The following ELOVL2 variants were observed in gnomAD, a reference collection of about 807,000 sequenced individuals.
The protein encoded by ELOVL2 is very long chain fatty acid elongase 2.
In ELOVL2, 38 loss-of-function variants were observed where a neutral mutation model predicts 37.7. The observed-to-expected ratio is 1.01, with a 90% CI of 0.78 to 1.32. ELOVL2 has a LOEUF of 1.32. Among genes scored for constraint, ELOVL2 ranks in the 40% most tolerant of loss-of-function variants. The pLI is 0.00. For synonymous variants in ELOVL2, 115 were observed against 122.3 expected (o/e 0.94, Z 0.40); for missense variants, 352 against 363.6 (o/e 0.97, Z 0.26).
rs565014334 is a variant in ELOVL2 at position 10,982,338 on chromosome 6, G to A, written c.*1443C>T. 2 of 152,250 alleles carry A rather than the reference G, an allele frequency of 1.3e-5. No homozygotes were observed. Among genetic ancestry groups the A allele is most frequent in the Admixed American group, 1.3e-4 (2 of 15,288 alleles). 9.4% of individuals were successfully genotyped at this position (152,250 alleles called of 1,614,324 possible). On this transcript the variant is annotated 3_prime_UTR_variant, in exon 8 of 8. Coordinates refer to ENST00000354666, the MANE Select transcript of ELOVL2 (RefSeq NM_017770.4). ...GGCACTCTGGACGCTAATGAGTGGG[G>A]ACGGTGGTGGAAATGCCTTTCTGGT...
At chr6:11,028,085 G>C (rs1007495807) in intron 1 of ELOVL2, among the ~76,000 whole-genome samples, 9 of 151,996 alleles carry the variant, frequency 5.9e-5, no homozygotes, top group African/African-American at 1.5e-4. Context: ...GTCTAATTTG[G>C]ACTTTGGGGG....
At chr6:11,032,830 G>A (rs1460040800) in intron 1 of ELOVL2, among the ~76,000 whole-genome samples, 1 of 152,130 alleles carries the variant, frequency 6.6e-6, no homozygotes, top group African/African-American at 2.4e-5. Context: ...CTAATAACAT[G>A]CAATTGAGAC....
chr6:11,014,572 C>T (rs1460711811), intron 1 of ELOVL2, among the ~76,000 whole-genome samples: 1 of 150,772 alleles, frequency 6.6e-6, no homozygotes, highest in Non-Finnish European at 1.5e-5. Context: ...TCCTTCTCCC[C>T]ATGCCCACTA....
chr6:11,030,527 T>A (rs1157273528), intron 1 of ELOVL2, among the ~76,000 whole-genome samples: 1 of 152,214 alleles, frequency 6.6e-6, no homozygotes, highest in Non-Finnish European at 1.5e-5. Context: ...AGTCTCGCTC[T>A]GTCACCCAGG....
chr6:10,984,223 G>A (rs1781998675), intron 7 of ELOVL2, among the ~76,000 whole-genome samples: 1 of 152,104 alleles, frequency 6.6e-6, no homozygotes, highest in African/African-American at 2.4e-5. Flanking sequence ...TCACCATGTT[G>A]CCCAGGCTTG....
chr6:10,982,740 T>C lies in ELOVL2; in HGVS notation c.*1041A>G, dbSNP rs3734398. On this transcript the variant is annotated 3_prime_UTR_variant, in exon 8 of 8. Transcript: ENST00000354666. ...AATCTTTCCAAGCTACTCCATCTTT[T>C]TCCTCCCAGCTTCAAAAACTTAAAT... 64,628 of 152,032 alleles carry C rather than the reference T, an allele frequency of 0.43. 15,391 individuals carry two copies. Among genetic ancestry groups the C allele is most frequent in the East Asian group, 0.91 (4,684 of 5,172 alleles). The allele number at this position is 152,032 out of a possible 1,614,324, so 9.4% of individuals were successfully genotyped here. A position where few individuals can be genotyped will look rare whatever the true frequency, so the allele number is the denominator to read the frequency against.
intron 5 of ELOVL2, among the ~76,000 whole-genome samples, chr6:10,992,846 T>A (rs4711162): frequency 0.21 from 31,785 of 149,970 alleles, 4,584 homozygotes; most frequent in East Asian, 0.64. Context: ...ATACAGTACA[T>A]CATATAGAGC....
intron 1 of ELOVL2, among the ~76,000 whole-genome samples, chr6:11,026,709 G>A (rs900759512): frequency 6.6e-6 from 1 of 152,106 alleles, no homozygotes; most frequent in Non-Finnish European, 1.5e-5. Flanking sequence ...GTACTAAAAG[G>A]CCTCTCTAGC....
intron 1 of ELOVL2, among the ~76,000 whole-genome samples, chr6:11,042,001 A>ATT (rs34988678): frequency 0.026 from 3,444 of 134,644 alleles, 149 homozygotes; most frequent in East Asian, 0.21. Flanking sequence ...CTCCCTGCCC[A>ATT]TTTTTTTTTT....
chr6:11,009,710 G>C (rs1367892220), intron 2 of ELOVL2, among the ~76,000 whole-genome samples: 1 of 152,242 alleles, frequency 6.6e-6, no homozygotes, highest in Non-Finnish European at 1.5e-5. Flanking sequence ...GACGGATACT[G>C]ACTGAGTTGG....
Position 10,983,003 on chromosome 6 carries a change from G to GA in ELOVL2, c.*777_*778insT, listed in dbSNP as rs1157210264. 1.1e-4 allele frequency: 16 copies of GA among 152,308 alleles called. No individual in the cohort carries two copies. Among genetic ancestry groups the GA allele is most frequent in the Admixed American group, 2.0e-4 (3 of 15,302 alleles). The allele number at this position is 152,308 out of a possible 1,614,324, so 9.4% of individuals were successfully genotyped here. ...TACACTGCTCGTGGTGTGGAGCATG[G>GA]CATCTGTATAACCTAGGCTGACTGG... On this transcript the variant is annotated 3_prime_UTR_variant, in exon 8 of 8. Transcript: ENST00000354666.
intron 2 of ELOVL2, among the ~76,000 whole-genome samples, chr6:11,010,484 G>C (rs1711623049): frequency 6.6e-6 from 1 of 152,206 alleles, no homozygotes; most frequent in South Asian, 2.1e-4. Context: ...TAGCCAGACA[G>C]ACACTGGAGG....
intron 4 of ELOVL2, among the ~76,000 whole-genome samples, chr6:10,997,884 T>C (rs1196586288): frequency 6.6e-6 from 1 of 152,204 alleles, no homozygotes; most frequent in African/African-American, 2.4e-5. Context: ...CCACAGGTGA[T>C]TGCTGTCAGA....
At chr6:10,997,177 A>G (rs945728924) in intron 4 of ELOVL2, among the ~76,000 whole-genome samples, 1 of 152,244 alleles carries the variant, frequency 6.6e-6, no homozygotes, top group Admixed American at 6.5e-5. Context: ...AGAATTTTCA[A>G]TATGATTCCA....
intron 5 of ELOVL2, among the ~76,000 whole-genome samples, chr6:10,992,301 C>G (rs1253913242): frequency 2.6e-5 from 4 of 152,154 alleles, no homozygotes; most frequent in Non-Finnish European, 5.9e-5. Context: ...ATCCTAAATC[C>G]TGGAACAAAG....
intron 7 of ELOVL2, among the ~76,000 whole-genome samples, chr6:10,987,306 G>C (rs1192503382): frequency 2.0e-5 from 3 of 152,018 alleles, no homozygotes; most frequent in African/African-American, 2.4e-5. Context: ...CCAGCTCCTG[G>C]ATTCATTGAT....
At chr6:10,990,120 CAAGG>C (rs1055608170) in intron 6 of ELOVL2, among the ~76,000 whole-genome samples, 194 bp downstream of exon 6, 7 of 152,136 alleles carry the variant, frequency 4.6e-5, no homozygotes, top group African/African-American at 1.7e-4. Context: ...CATTTCAAAG[CAAGG>C]AACTTTCCAT....
intron 1 of ELOVL2, among the ~76,000 whole-genome samples, chr6:11,017,615 CAG>C (rs1782704659): frequency 6.6e-6 from 1 of 152,170 alleles, no homozygotes; most frequent in African/African-American, 2.4e-5. Context: ...GTGTTTTATT[CAG>C]AGTCTGGCCA....
chr6:11,040,150 C>G (rs1468904716), intron 1 of ELOVL2, among the ~76,000 whole-genome samples: 1 of 152,064 alleles, frequency 6.6e-6, no homozygotes, highest in Non-Finnish European at 1.5e-5. Context: ...ATTTCAGACA[C>G]AGTAGACTGA....
Sources: gnomAD v4.1 joint callset for allele counts (sites outside exome capture counted in the v4.1 genomes callset) on GRCh38, gnomAD v4.1.1 for gene constraint, MANE v1.5 for transcripts, NCBI Gene and HGNC (gene_info 2026-07-23, HGNC 2026-07-21) for gene names.